SNX10: variants seen among roughly 807,000 people sequenced by gnomAD.
SNX10 encodes sorting nexin 10.
In SNX10, 25 loss-of-function variants were observed where a neutral mutation model predicts 28.5. That is an observed-to-expected ratio of 0.88 (90% CI 0.64 to 1.22). The LOEUF (loss-of-function observed/expected upper bound fraction) is 1.22, where lower values mean the gene tolerates loss of function less well. Ranked by LOEUF, SNX10 falls within the 50% of genes most tolerant of loss-of-function variation. The pLI, the probability that SNX10 is intolerant of heterozygous loss-of-function variation, is 0.00. For synonymous variants in SNX10, 62 were observed against 81.4 expected (o/e 0.76, Z 1.28); for missense variants, 223 against 242.6 (o/e 0.92, Z 0.54).
At chr7:26,309,147 A>G (rs926381651) in intron 1 of SNX10, among the ~76,000 whole-genome samples, 1 of 152,090 alleles carries the variant, frequency 6.6e-6, no homozygotes, top group African/African-American at 2.4e-5. Flanking sequence ...TAATCACCAC[A>G]GGCTGGTCCT....
At chr7:26,297,327 C>T (rs1364946475) in intron 1 of SNX10, among the ~76,000 whole-genome samples, 1 of 152,182 alleles carries the variant, frequency 6.6e-6, no homozygotes, top group Non-Finnish European at 1.5e-5. Context: ...AACTCCTGAC[C>T]TCGTGACCCG....
intron 1 of SNX10, among the ~76,000 whole-genome samples, chr7:26,311,024 A>G (rs1011703098): frequency 2.6e-5 from 4 of 152,140 alleles, no homozygotes; most frequent in African/African-American, 4.8e-5. Flanking sequence ...GTGAAAAGAC[A>G]CCTGGAGTGT....
intron 2 of SNX10, chr7:26,357,093 A>C: frequency 8.3e-7 from 1 of 1,200,968 alleles, no homozygotes. Flanking sequence ...AAGCTGCCCT[A>C]CAGGAGCTTA....
At chr7:26,335,261 TACGGGTATAACACAAGA>T (rs1787880830) in intron 1 of SNX10, among the ~76,000 whole-genome samples, 1 of 152,226 alleles carries the variant, frequency 6.6e-6, no homozygotes, top group Non-Finnish European at 1.5e-5. Flanking sequence ...ACTTGTGTTA[TACGGGTATAACACAAGA>T]ACCTCTGGTC....
intron 1 of SNX10, among the ~76,000 whole-genome samples, chr7:26,329,782 G>A (rs1051416608): frequency 4.6e-5 from 7 of 152,198 alleles, no homozygotes; most frequent in Non-Finnish European, 7.3e-5. Flanking sequence ...CAGACGTGGC[G>A]GGATTTTTCT....
At chr7:26,347,904 C>A (rs1208962781) in intron 2 of SNX10, among the ~76,000 whole-genome samples, 1 of 152,006 alleles carries the variant, frequency 6.6e-6, no homozygotes, top group African/African-American at 2.4e-5. Flanking sequence ...TAGTAAAATG[C>A]ATAAAGTGTT....
intron 2 of SNX10, among the ~76,000 whole-genome samples, chr7:26,349,440 AAAGG>A (rs1205683609): frequency 6.6e-6 from 1 of 152,092 alleles, no homozygotes; most frequent in Non-Finnish European, 1.5e-5. Context: ...AAAGAGGAGA[AAAGG>A]GAGTGAGAAT....
chr7:26,365,650 T>G (rs1789259803), intron 5 of SNX10, among the ~76,000 whole-genome samples: 1 of 152,226 alleles, frequency 6.6e-6, no homozygotes, highest in African/African-American at 2.4e-5. Flanking sequence ...TCTCAGTGAG[T>G]TATTAACTCT....
At chr7:26,298,120 A>G (rs1409932758) in intron 1 of SNX10, among the ~76,000 whole-genome samples, 1 of 144,002 alleles carries the variant, frequency 6.9e-6, no homozygotes, top group Non-Finnish European at 1.5e-5. Context: ...AATCCAAGTT[A>G]CTGAGGCAAG....
chr7:26,310,235 T>C (rs1262232429), intron 1 of SNX10, among the ~76,000 whole-genome samples: 1 of 152,192 alleles, frequency 6.6e-6, no homozygotes, highest in Non-Finnish European at 1.5e-5. Flanking sequence ...GTTGGGCGGC[T>C]TAGAAACTTG....
chr7:26,308,165 C>T (rs547932216), intron 1 of SNX10, among the ~76,000 whole-genome samples: 13 of 152,318 alleles, frequency 8.5e-5, no homozygotes, highest in Admixed American at 2.6e-4. Context: ...TTTTAGGCCT[C>T]AGAAGCAGGC....
chr7:26,323,030 T>G (rs552151782), intron 1 of SNX10, among the ~76,000 whole-genome samples: 2 of 152,164 alleles, frequency 1.3e-5, no homozygotes, highest in African/African-American at 4.8e-5. Flanking sequence ...GAAGGATCAC[T>G]TGGGCCCAGG....
In SNX10 at chr7:26,372,760, A is replaced by G; in HGVS notation, c.*188A>G. 1.9e-6 allele frequency: 1 copy of G among 518,084 alleles called. No individual in the cohort carries two copies. The highest frequency in any genetic ancestry group is 3.4e-6 in the Non-Finnish European group (1 of 291,060). The allele number at this position is 518,084 out of a possible 1,614,324, so 32.1% of individuals were successfully genotyped here. On this transcript the variant is annotated 3_prime_UTR_variant, in exon 7 of 7. Transcript: ENST00000338523. Reference sequence around the variant, plus strand: ...TCTTATTTTAGGTAAGCTTCTGTGTAAAGCTAAAAATCCTGTGAATACAAT... The same window carrying G: ...TCTTATTTTAGGTAAGCTTCTGTGTGAAGCTAAAAATCCTGTGAATACAAT...
In SNX10 at chr7:26,364,627, G is replaced by A. The variant is rs748061092; in HGVS notation, c.204G>A (p.Ala68=). The change falls in exon 4 of 7, where the codon GCG becomes GCA. Residue 68 remains alanine, a synonymous_variant. Coordinates refer to ENST00000338523, the MANE Select transcript of SNX10 (RefSeq NM_013322.3). The surrounding 1 kb of genome is among the most constrained non-coding windows in gnomAD (Gnocchi z 4.9). ...TGAGGCAGAGACTCCAAAGTAATGC[G>A]TTGCTGGTGTAAGTGATTTAGAGTA... ...VWLRQRLQSN[A]LLVQLPELPS... is the part of the protein sequence containing the mutation. 12 of 1,609,354 alleles carry A rather than the reference G, an allele frequency of 7.5e-6. No individual in the cohort carries two copies. Among genetic ancestry groups the A allele is most frequent in the Non-Finnish European group, 8.5e-6 (10 of 1,176,050 alleles).
intron 1 of SNX10, among the ~76,000 whole-genome samples, chr7:26,293,842 T>C (rs999519806): frequency 2.0e-5 from 3 of 152,144 alleles, no homozygotes; most frequent in African/African-American, 7.2e-5. Flanking sequence ...CCTAAAGTAA[T>C]AGAAATAAGC....
intron 2 of SNX10, among the ~76,000 whole-genome samples, chr7:26,353,464 G>GGGT (rs1376766858): frequency 3.7e-4 from 38 of 101,612 alleles, no homozygotes; most frequent in Non-Finnish European, 5.7e-4. Flanking sequence ...TTTTTTTGGT[G>GGGT]GGGAGACAGA....
intron 2 of SNX10, among the ~76,000 whole-genome samples, chr7:26,357,310 A>T (rs1788863602): frequency 7.0e-6 from 1 of 143,580 alleles, no homozygotes; most frequent in Non-Finnish European, 1.5e-5. Flanking sequence ...AAAAAATAGT[A>T]GAAGAAAAGA....
chr7:26,342,869 T>C (rs1488478429), intron 1 of SNX10, among the ~76,000 whole-genome samples: 1 of 152,154 alleles, frequency 6.6e-6, no homozygotes, highest in African/African-American at 2.4e-5. Flanking sequence ...TGCAGTGGCA[T>C]GATCATGGCT....
intron 1 of SNX10, among the ~76,000 whole-genome samples, chr7:26,326,975 G>C (rs1196793844): frequency 2.0e-5 from 3 of 147,624 alleles, no homozygotes; most frequent in African/African-American, 7.5e-5. Flanking sequence ...TTTTGAGACG[G>C]AGTCTCGCTC....
Sources: gnomAD v4.1 joint callset for allele counts (sites outside exome capture counted in the v4.1 genomes callset) on GRCh38, gnomAD v4.1.1 for gene constraint, Gnocchi (gnomAD v3.1) non-coding constraint, MANE v1.5 for transcripts, NCBI Gene and HGNC (gene_info 2026-07-23, HGNC 2026-07-21) for gene names.